The following ANO3 variants were observed in gnomAD, a reference collection of about 807,000 sequenced individuals.
The protein encoded by ANO3 is anoctamin-3.
A neutral mutation model predicts 144.8 loss-of-function variants in ANO3; 99 were observed. That is an observed-to-expected ratio of 0.68 (90% CI 0.58 to 0.81). The LOEUF is 0.81. Ranked by LOEUF, ANO3 falls within the 30% of genes least tolerant of loss-of-function variation. ANO3 has a pLI of 0.00. For synonymous variants in ANO3, 414 were observed against 392.6 expected, an observed-to-expected ratio of 1.05 and a Z score of -0.64; for missense variants, 905 against 1,202.2, an observed-to-expected ratio of 0.75 and a Z score of 3.66.
upstream of ANO3, among the ~76,000 whole-genome samples, chr11:26,309,134 T>C (rs547772162): frequency 1.3e-5 from 2 of 152,190 alleles, no homozygotes; most frequent in South Asian, 2.1e-4. Context: ...TTTCTAAGAG[T>C]TGAATCATAA....
intron 1 of ANO3, among the ~76,000 whole-genome samples, chr11:26,432,895 G>T (rs902731796): frequency 2.0e-5 from 3 of 152,010 alleles, no homozygotes; most frequent in African/African-American, 7.2e-5. Flanking sequence ...CTCTTTTTTG[G>T]TACCATATGA....
intron 5 of ANO3, among the ~76,000 whole-genome samples, chr11:26,512,189 A>G (rs1195922106): frequency 6.6e-6 from 1 of 152,214 alleles, no homozygotes; most frequent in Non-Finnish European, 1.5e-5. Flanking sequence ...GCTATGAGCT[A>G]TCTTATCCTA....
At chr11:26,319,910 A>G (rs1043644808) in intron 1 of ANO3, among the ~76,000 whole-genome samples, 1 of 151,830 alleles carries the variant, frequency 6.6e-6, no homozygotes, top group Non-Finnish European at 1.5e-5. Flanking sequence ...GTATTGTAGA[A>G]GAAGGTCTTT....
At chr11:26,465,753 G>A (rs759777480) in intron 4 of ANO3, among the ~76,000 whole-genome samples, 1 of 151,920 alleles carries the variant, frequency 6.6e-6, no homozygotes, top group Non-Finnish European at 1.5e-5. Flanking sequence ...TAGGAGTTGT[G>A]TAAATAGACT....
At chr11:26,638,780 T>C (rs894376665) in intron 20 of ANO3, among the ~76,000 whole-genome samples, 6 of 152,174 alleles carry the variant, frequency 3.9e-5, no homozygotes, top group African/African-American at 1.4e-4. Context: ...AACAATATAT[T>C]ATAAACATTA....
intron 1 of ANO3, among the ~76,000 whole-genome samples, chr11:26,213,841 A>G (rs1851983327): frequency 6.6e-6 from 1 of 152,120 alleles, no homozygotes; most frequent in Non-Finnish European, 1.5e-5. Context: ...GCAAATTAGT[A>G]AAGGTGAGAT....
At chr11:26,544,260 A>ATATATG (rs1362531530) in intron 11 of ANO3, among the ~76,000 whole-genome samples, 1 of 75,554 alleles carries the variant, frequency 1.3e-5, no homozygotes, top group Non-Finnish European at 2.7e-5. Context: ...ACATATATAT[A>ATATATG]TATATATATA....
chr11:26,550,494 T>A (rs2134224172), intron 12 of ANO3, among the ~76,000 whole-genome samples: 1 of 152,140 alleles, frequency 6.6e-6, no homozygotes, highest in East Asian at 1.9e-4. Flanking sequence ...CTATTTTATA[T>A]ACCTCATATA....
Position 26,476,932 on chromosome 11 carries a change from T to TGA in ANO3, c.432+13803_432+13804dup, listed in dbSNP as rs34338490. ...GTGTGTGTGTGTGTGTGTGTGTGTG[T>TGA]GAGAGAGAGAGAGAGAGAGACTTTT... On this transcript the variant is annotated intron_variant, in intron 4 of 26. Transcript: ENST00000256737. 5.8e-4 allele frequency among the ~76,000 whole-genome samples: 78 copies of TGA among 134,022 alleles called. 1 individual carries two copies. Among genetic ancestry groups the TGA allele is most frequent in the African/African-American group, 1.6e-3 (54 of 34,808 alleles). 87.9% of individuals were successfully genotyped at this position (134,022 alleles called of 152,430 possible).
intron 3 of ANO3, among the ~76,000 whole-genome samples, chr11:26,460,437 G>A (rs11029567): frequency 3.5e-4 from 5 of 14,232 alleles, no homozygotes; most frequent in Admixed American, 1.7e-3. Context: ...GGGCGGGCGG[G>A]TGGAAGGAAA....
chr11:26,361,528 G>A (rs1855925105), intron 1 of ANO3, among the ~76,000 whole-genome samples: 1 of 151,996 alleles, frequency 6.6e-6, no homozygotes, highest in African/African-American at 2.4e-5. Context: ...TGAGTCTCAG[G>A]CAAAAAGAGT....
chr11:26,227,699 T>A (rs1162181497), intron 1 of ANO3, among the ~76,000 whole-genome samples: 1 of 152,164 alleles, frequency 6.6e-6, no homozygotes, highest in Non-Finnish European at 1.5e-5. Context: ...CCCGTGTACT[T>A]CTGGCAGACA....
chr11:26,236,658 A>C lies in ANO3; in HGVS notation c.154+47328A>C, dbSNP rs567740612. On this transcript the variant is annotated intron_variant, in intron 1 of 27. Coordinates refer to the ANO3 transcript ENST00000672621. ...ACAGTGAAACCCTGTCTCTACTAAA[A>C]ATACAAAAAATTAGCCGGGCATGGT... is the stretch of plus-strand genomic sequence containing the variant. Among the ~76,000 whole-genome samples, 6 of 152,062 alleles carry C rather than the reference A, an allele frequency of 3.9e-5. No individual in the cohort carries two copies. In the East Asian group the frequency reaches 9.7e-4, roughly 25 times the overall value.
At chr11:26,301,839 T>C (rs1191984024) in intron 1 of ANO3, among the ~76,000 whole-genome samples, 1 of 152,204 alleles carries the variant, frequency 6.6e-6, no homozygotes, top group East Asian at 1.9e-4. Context: ...TGATGTCATC[T>C]CAAAAGACAA....
intron 1 of ANO3, among the ~76,000 whole-genome samples, chr11:26,371,791 A>G (rs1050547930): frequency 2.0e-5 from 3 of 152,028 alleles, no homozygotes; most frequent in Non-Finnish European, 4.4e-5. Flanking sequence ...GTTTTGGCCA[A>G]TTTCTCTCAT....
At chr11:26,624,758 T>C (rs1375582888) in intron 18 of ANO3, among the ~76,000 whole-genome samples, 1 of 152,198 alleles carries the variant, frequency 6.6e-6, no homozygotes, top group East Asian at 1.9e-4. Context: ...TCTCCAACTT[T>C]TCAGTTCTTT....
intron 1 of ANO3, among the ~76,000 whole-genome samples, chr11:26,404,961 G>GTGTT (rs1307024058): frequency 1.3e-5 from 2 of 148,778 alleles, no homozygotes; most frequent in African/African-American, 4.9e-5. Context: ...GTGTGTGTGT[G>GTGTT]TGTGTGTGTG....
intron 1 of ANO3, among the ~76,000 whole-genome samples, chr11:26,293,575 A>ATATATAT (rs1433627005): frequency 1.7e-5 from 2 of 116,156 alleles, no homozygotes; most frequent in Non-Finnish European, 3.6e-5. Context: ...ATATATATAT[A>ATATATAT]TTCCTGTTGT....
chr11:26,553,647 T>C (rs1049560953), intron 13 of ANO3, among the ~76,000 whole-genome samples: 6 of 152,156 alleles, frequency 3.9e-5, no homozygotes, highest in Non-Finnish European at 7.4e-5. Context: ...CTATTGCTAC[T>C]TACTAAATGT....
Sources: allele counts gnomAD v4.1 joint callset (sites outside exome capture counted in the v4.1 genomes callset), GRCh38; gene constraint gnomAD v4.1.1; transcripts MANE v1.5; gene names NCBI Gene and HGNC (gene_info 2026-07-23, HGNC 2026-07-21).